Variants in TASP1 observed in about 807,000 individuals in gnomAD.
TASP1 encodes the protein threonine aspartase 1.
Under a neutral mutation model 56.6 loss-of-function variants are expected in TASP1, and 16 were observed. The observed-to-expected ratio is 0.28, with a 90% CI of 0.19 to 0.43. TASP1 has a LOEUF of 0.43. TASP1 is among the 20% of genes least tolerant of loss of function. The pLI is 1.00. For missense variants in TASP1, 393 were observed against 511.6 expected (o/e 0.77, Z 2.24); for synonymous variants, 179 against 184.2 (o/e 0.97, Z 0.23).
the TASP1 span, among the ~76,000 whole-genome samples, chr20:13,224,709 C>A: frequency 2.3e-4 from 35 of 152,170 alleles, no homozygotes; most frequent in South Asian, 3.7e-3. Context: ...GGGACACATT[C>A]TTATTTAAGG....
At chr20:13,136,759 G>C in the TASP1 span, among the ~76,000 whole-genome samples, 2 of 147,916 alleles carry the variant, frequency 1.4e-5, no homozygotes, top group Non-Finnish European at 3.0e-5. Flanking sequence ...TAGGGAGAGA[G>C]GAATTTGGCA....
At chr20:13,148,556 C>A in the TASP1 span, among the ~76,000 whole-genome samples, 2 of 152,286 alleles carry the variant, frequency 1.3e-5, no homozygotes, top group East Asian at 3.9e-4. Flanking sequence ...AGTAATCATG[C>A]CAAACAAGAG....
intron 11 of TASP1, among the ~76,000 whole-genome samples, chr20:13,436,198 T>C (rs75755770): frequency 0.017 from 2,545 of 152,210 alleles, 72 homozygotes; most frequent in African/African-American, 0.056. Context: ...TCAGAAATTG[T>C]AGGCTTCAAG....
intron 13 of TASP1, among the ~76,000 whole-genome samples, chr20:13,416,151 C>T (rs1568770262): frequency 6.6e-6 from 1 of 152,280 alleles, no homozygotes; most frequent in East Asian, 1.9e-4. Context: ...TGCTCAATAA[C>T]CACATGTGGC....
chr20:13,450,058 T>C (rs2043558565), intron 11 of TASP1, among the ~76,000 whole-genome samples: 1 of 152,134 alleles, frequency 6.6e-6, no homozygotes, highest in Non-Finnish European at 1.5e-5. Context: ...AAGTGAGTCA[T>C]GCAAGTTTTT....
the TASP1 span, among the ~76,000 whole-genome samples, chr20:13,137,787 G>A: frequency 6.6e-6 from 1 of 152,158 alleles, no homozygotes; most frequent in African/African-American, 2.4e-5. Context: ...CAGGCCTTCC[G>A]TGATTTCCCA....
the TASP1 span, among the ~76,000 whole-genome samples, chr20:13,357,766 G>A: frequency 2.6e-5 from 4 of 152,142 alleles, no homozygotes; most frequent in African/African-American, 9.7e-5. Context: ...ACAGTAGAAT[G>A]GATTAACATT....
At chr20:13,588,289 G>A (rs984060142) in intron 4 of TASP1, among the ~76,000 whole-genome samples, 8,528 of 133,444 alleles carry the variant, frequency 0.064, 279 homozygotes, top group East Asian at 0.13. Context: ...AAGGAAGGAA[G>A]GAAGGAAGGA....
intron 11 of TASP1, among the ~76,000 whole-genome samples, chr20:13,456,331 T>A (rs909974155): frequency 6.6e-6 from 1 of 151,914 alleles, no homozygotes. Context: ...CACCAGAGAG[T>A]CCTCTACCAC....
the TASP1 span, among the ~76,000 whole-genome samples, chr20:13,228,115 G>T: frequency 6.6e-6 from 1 of 151,920 alleles, no homozygotes; most frequent in Non-Finnish European, 1.5e-5. Flanking sequence ...TGGGATTACA[G>T]GTACCCACCA....
chr20:13,607,880 T>C (rs186942691), intron 4 of TASP1, among the ~76,000 whole-genome samples: 10 of 152,180 alleles, frequency 6.6e-5, no homozygotes, highest in Non-Finnish European at 1.0e-4. Context: ...AGCAGGAGAA[T>C]CACTTGAACC....
At chr20:13,345,753 C>A in the TASP1 span, among the ~76,000 whole-genome samples, 1 of 152,078 alleles carries the variant, frequency 6.6e-6, no homozygotes. Flanking sequence ...ATCAGTTCCA[C>A]TGATTCCCCA....
the TASP1 span, among the ~76,000 whole-genome samples, chr20:13,112,068 T>A: frequency 6.6e-6 from 1 of 152,218 alleles, no homozygotes; most frequent in East Asian, 1.9e-4. Context: ...CAGTTACCTA[T>A]TGCCATGTAA....
At chr20:13,299,521 A>G in the TASP1 span, 6 of 1,469,904 alleles carry the variant, frequency 4.1e-6, no homozygotes, top group South Asian at 1.3e-5. This position sits in a 1 kb window ranked among gnomAD's most constrained non-coding sequence, Gnocchi z 5.8. Context: ...TGCTGCACTG[A>G]CGTGCCGACT....
intron 9 of TASP1, among the ~76,000 whole-genome samples, chr20:13,529,963 T>A (rs958048927): frequency 2.6e-5 from 4 of 152,128 alleles, no homozygotes; most frequent in Non-Finnish European, 5.9e-5. Flanking sequence ...TGGTAGCAAA[T>A]ATGTGCTGTA....
At chr20:13,286,775 G>A in the TASP1 span, among the ~76,000 whole-genome samples, 6 of 152,192 alleles carry the variant, frequency 3.9e-5, no homozygotes, top group African/African-American at 7.2e-5. Context: ...AGGCTGGCAC[G>A]GGCCCACATT....
At chr20:13,352,572 G>A in the TASP1 span, among the ~76,000 whole-genome samples, 1 of 152,110 alleles carries the variant, frequency 6.6e-6, no homozygotes, top group Admixed American at 6.5e-5. Flanking sequence ...ATTCAATGAA[G>A]TGATGGGCCT....
the TASP1 span, among the ~76,000 whole-genome samples, chr20:13,209,145 A>G: frequency 6.6e-6 from 1 of 152,124 alleles, no homozygotes; most frequent in Non-Finnish European, 1.5e-5. Flanking sequence ...TGAGTTCTGA[A>G]ATGCAAACAT....
chr20:13,394,481 A>G (rs865939143), intron 13 of TASP1, among the ~76,000 whole-genome samples: 49 of 151,862 alleles, frequency 3.2e-4, no homozygotes, highest in Middle Eastern at 3.4e-3. Context: ...ACGTGGTGGC[A>G]GGCACCTGTA....
Sources: allele counts gnomAD v4.1 joint callset (sites outside exome capture counted in the v4.1 genomes callset), GRCh38; gene constraint gnomAD v4.1.1; non-coding constraint Gnocchi (gnomAD v3.1); transcripts MANE v1.5; gene names NCBI Gene and HGNC (gene_info 2026-07-23, HGNC 2026-07-21).